KCNIP4: variants seen among roughly 807,000 people sequenced by gnomAD.
KCNIP4 encodes the protein Kv channel-interacting protein 4.
In KCNIP4, 12 loss-of-function variants were observed where a neutral mutation model predicts 34.0. The observed-to-expected ratio is 0.35, with a 90% CI of 0.23 to 0.57. KCNIP4 has a LOEUF of 0.57. Among genes scored for constraint, KCNIP4 ranks in the 20% least tolerant of loss-of-function variants. KCNIP4 has a pLI of 0.83. For synonymous variants in KCNIP4, 124 were observed against 102.2 expected (o/e 1.21, Z -1.29); for missense variants, 238 against 311.7 (o/e 0.76, Z 1.78).
chr4:21,637,619 C>T (rs111888137), intron 1 of KCNIP4, among the ~76,000 whole-genome samples: 30 of 151,932 alleles, frequency 2.0e-4, no homozygotes, highest in African/African-American at 6.8e-4. Flanking sequence ...CCTGTCTCTA[C>T]TAATAATACA....
chr4:20,896,881 C>T (rs1295100448), intron 1 of KCNIP4, among the ~76,000 whole-genome samples: 1 of 151,702 alleles, frequency 6.6e-6, no homozygotes, highest in East Asian at 1.9e-4. Context: ...CACAGAATCG[C>T]CAAAATGTAA....
chr4:20,815,866 A>C (rs754738289), intron 3 of KCNIP4, among the ~76,000 whole-genome samples: 5 of 152,296 alleles, frequency 3.3e-5, no homozygotes, highest in South Asian at 2.1e-4. Flanking sequence ...TAAGAGGTCA[A>C]ATAACTTTCT....
intron 1 of KCNIP4, among the ~76,000 whole-genome samples, chr4:21,859,452 C>CA (rs11362552): frequency 1.1e-3 from 156 of 147,022 alleles, no homozygotes; most frequent in Middle Eastern, 3.5e-3. Context: ...ACTAAAAATA[C>CA]AAAAAAAAAA....
intron 1 of KCNIP4, among the ~76,000 whole-genome samples, chr4:21,580,954 C>T (rs1741157075): frequency 6.6e-6 from 1 of 152,030 alleles, no homozygotes; most frequent in South Asian, 2.1e-4. Flanking sequence ...AATGAGTGTG[C>T]TGAGAGCTTA....
intron 1 of KCNIP4, among the ~76,000 whole-genome samples, chr4:21,415,598 A>T (rs1377099126): frequency 6.6e-6 from 1 of 151,794 alleles, no homozygotes; most frequent in Non-Finnish European, 1.5e-5. Flanking sequence ...ACTATTCAGG[A>T]GGCTGAGGCA....
At chr4:21,026,312 A>G (rs959453499) in intron 1 of KCNIP4, among the ~76,000 whole-genome samples, 1 of 152,156 alleles carries the variant, frequency 6.6e-6, no homozygotes, top group Admixed American at 6.5e-5. Flanking sequence ...TCTCGTTATT[A>G]TAGCTCTTGT....
intron 1 of KCNIP4, among the ~76,000 whole-genome samples, chr4:21,908,465 C>A (rs769109059): frequency 6.6e-6 from 1 of 152,148 alleles, no homozygotes; most frequent in Non-Finnish European, 1.5e-5. Context: ...GTAATACAGG[C>A]AAGCCCATTA....
Position 21,842,801 on chromosome 4 carries a change from A to G in KCNIP4, c.61+105770T>C, listed in dbSNP as rs6818649. On this transcript the variant is annotated intron_variant, in intron 1 of 8. Transcript: ENST00000382152. The stretch of plus-strand genomic sequence containing the variant: ...TACAACGATTATTAATGTAGGGCTA[A>G]GAGTAAAACAGCTTGAATTTTCCTC... 4.1e-3 allele frequency among the ~76,000 whole-genome samples: 627 copies of G among 152,212 alleles called. 4 individuals are homozygous for G. The highest frequency in any genetic ancestry group is 0.014 in the African/African-American group (598 of 41,570).
At chr4:21,899,195 T>G (rs1727569782) in intron 1 of KCNIP4, among the ~76,000 whole-genome samples, 1 of 152,184 alleles carries the variant, frequency 6.6e-6, no homozygotes, top group African/African-American at 2.4e-5. Flanking sequence ...CAAATGATTA[T>G]TTTGACAGAT....
intron 1 of KCNIP4, among the ~76,000 whole-genome samples, chr4:21,837,841 A>G (rs1044198078): frequency 2.6e-5 from 4 of 152,094 alleles, no homozygotes; most frequent in African/African-American, 9.7e-5. Flanking sequence ...TTGCTAGTGA[A>G]AAGGCTTTTC....
chr4:21,284,591 C>T (rs1320716287), intron 1 of KCNIP4, among the ~76,000 whole-genome samples: 1 of 152,124 alleles, frequency 6.6e-6, no homozygotes, highest in Non-Finnish European at 1.5e-5. Flanking sequence ...GGGATAGGAG[C>T]TAAGATTTTT....
At chr4:21,475,992 A>G (rs1160233121) in intron 1 of KCNIP4, among the ~76,000 whole-genome samples, 1 of 152,160 alleles carries the variant, frequency 6.6e-6, no homozygotes, top group Non-Finnish European at 1.5e-5. Context: ...CTAGTTTTCT[A>G]CAAAAGAAAA....
intron 1 of KCNIP4, among the ~76,000 whole-genome samples, chr4:21,410,607 T>A (rs961764343): frequency 6.6e-6 from 1 of 152,154 alleles, no homozygotes; most frequent in African/African-American, 2.4e-5. Flanking sequence ...CAGTTAAGCC[T>A]GTAGGTGGCA....
chr4:21,109,781 T>A (rs1748986710), intron 1 of KCNIP4, among the ~76,000 whole-genome samples: 1 of 152,204 alleles, frequency 6.6e-6, no homozygotes, highest in Non-Finnish European at 1.5e-5. Flanking sequence ...GAAATATAAT[T>A]TTTCCTACCA....
intron 1 of KCNIP4, among the ~76,000 whole-genome samples, chr4:21,509,270 C>G (rs1183090481): frequency 6.6e-6 from 1 of 152,142 alleles, no homozygotes; most frequent in Non-Finnish European, 1.5e-5. Flanking sequence ...GACCCCACAG[C>G]AGCTTTGCAC....
chr4:21,132,853 CAAAAAAAAAAA>C (rs71189683), intron 1 of KCNIP4, among the ~76,000 whole-genome samples: 5 of 116,692 alleles, frequency 4.3e-5, no homozygotes, highest in African/African-American at 6.2e-5. Context: ...TACTAAACGA[CAAAAAAAAAAA>C]AAAAAAAAAA....
chr4:21,552,037 TTA>T (rs201608847), intron 1 of KCNIP4, among the ~76,000 whole-genome samples: 53,792 of 144,374 alleles, frequency 0.37, 10,413 homozygotes, highest in East Asian at 0.64. Flanking sequence ...AGAGCTTTTT[TTA>T]AAAAAAAAAA....
intron 3 of KCNIP4, among the ~76,000 whole-genome samples, chr4:20,779,584 C>A (rs1429392108): frequency 1.5e-5 from 2 of 134,326 alleles, no homozygotes; most frequent in Admixed American, 7.8e-5. Context: ...CAACCCCCCC[C>A]CCCCACACAA....
At chr4:21,253,581 G>A (rs1292391858) in intron 1 of KCNIP4, among the ~76,000 whole-genome samples, 2 of 152,158 alleles carry the variant, frequency 1.3e-5, no homozygotes, top group African/African-American at 4.8e-5. Flanking sequence ...AAAGGAATTT[G>A]TCTGCTAGAT....
Sources: gnomAD v4.1 joint callset for allele counts (sites outside exome capture counted in the v4.1 genomes callset) on GRCh38, gnomAD v4.1.1 for gene constraint, MANE v1.5 for transcripts, NCBI Gene and HGNC (gene_info 2026-07-23, HGNC 2026-07-21) for gene names.